The following TDRD3 variants were observed in gnomAD, a reference collection of about 807,000 sequenced individuals.
TDRD3 encodes the protein tudor domain-containing protein 3.
In TDRD3, 45 loss-of-function variants were observed where a neutral mutation model predicts 86.7. That is an observed-to-expected ratio of 0.52 (90% CI 0.41 to 0.67). The LOEUF (loss-of-function observed/expected upper bound fraction) is 0.67, where lower values mean the gene tolerates loss of function less well. TDRD3 is among the 30% of genes least tolerant of loss of function. TDRD3 has a pLI of 0.00. For synonymous variants in TDRD3, 298 were observed against 301.7 expected (o/e 0.99, Z 0.13); for missense variants, 814 against 889.0 (o/e 0.92, Z 1.07).
Position 60,397,296 on chromosome 13 carries a change from G to A in TDRD3, c.-69G>A, listed in dbSNP as rs1953944080. On this transcript the variant is annotated 5_prime_UTR_variant, in exon 1 of 14. Coordinates refer to ENST00000377881, the MANE Select transcript of TDRD3 (RefSeq NM_001146070.2). ...TCTTTTTTTTTTTTTAAGGGGGGGG[G>A]TCTCAAGTAGGAGGCCTCCCCATCA... 2 of 814,544 alleles carry A rather than the reference G, an allele frequency of 2.5e-6. No individual in the cohort carries two copies. Among genetic ancestry groups the A allele is most frequent in the South Asian group, 2.2e-5 (1 of 44,556 alleles). The allele number at this position is 814,544 out of a possible 1,614,324, so 50.5% of individuals were successfully genotyped here.
At position 60,510,402 on chromosome 13, in the gene TDRD3, A is replaced by G. The variant is rs890375376; in HGVS notation, c.1016-228A>G. Reference sequence around the variant, plus strand: ...AATTTTTCCTTAAAAGTTAGTTTATATGAACAAATTCGGACTTCTGAATAG... The same window carrying G: ...AATTTTTCCTTAAAAGTTAGTTTATGTGAACAAATTCGGACTTCTGAATAG... On this transcript the variant is annotated intron_variant, in intron 9 of 13. Coordinates refer to ENST00000377881, the MANE Select transcript of TDRD3 (RefSeq NM_001146070.2). Among the ~76,000 whole-genome samples the G allele has an allele frequency of 2.0e-5, 3 of 152,264 alleles. 1 individual carries two copies. The South Asian group carries it at 6.2e-4, about 32-fold the overall frequency.
rs112871474 is a variant in TDRD3, at chr13:60,519,959, G to C, written c.1142-8408G>C. On this transcript the variant is annotated intron_variant, in intron 10 of 13. Coordinates refer to ENST00000377881, the MANE Select transcript of TDRD3 (RefSeq NM_001146070.2). ...TTGCAGTTGTATTGTTGGTGTGTGTGGCACTTTTTCTTAGAATTCTCATGA... is the reference window on the plus strand; with the variant it reads ...TTGCAGTTGTATTGTTGGTGTGTGTCGCACTTTTTCTTAGAATTCTCATGA... Among the ~76,000 whole-genome samples, 515 of 152,154 alleles carry C rather than the reference G, an allele frequency of 3.4e-3. 4 individuals are homozygous for C. The highest frequency in any genetic ancestry group is 0.012 in the African/African-American group (492 of 41,518).
intron 1 of TDRD3, among the ~76,000 whole-genome samples, chr13:60,422,776 T>C (rs998765578): frequency 3.3e-5 from 5 of 151,998 alleles, no homozygotes; most frequent in Admixed American, 1.3e-4. Context: ...AGAGAGAAAG[T>C]AGTCGAATAT....
chr13:60,549,589 C>T (rs908108123), intron 12 of TDRD3, among the ~76,000 whole-genome samples: 5 of 151,804 alleles, frequency 3.3e-5, no homozygotes, highest in African/African-American at 4.8e-5. Context: ...TGTGTGTGCA[C>T]GTGTATGTGC....
At chr13:60,456,488 A>G (rs1274675939) in intron 3 of TDRD3, among the ~76,000 whole-genome samples, 1 of 152,192 alleles carries the variant, frequency 6.6e-6, no homozygotes, top group Non-Finnish European at 1.5e-5. Flanking sequence ...AAGCCACTAA[A>G]ATTTTTTAGA....
At chr13:60,486,403 T>A (rs1956436571) in intron 7 of TDRD3, among the ~76,000 whole-genome samples, 1 of 152,198 alleles carries the variant, frequency 6.6e-6, no homozygotes, top group African/African-American at 2.4e-5. Context: ...TTTTTGTCTT[T>A]ATACTTTATT....
intron 4 of TDRD3, among the ~76,000 whole-genome samples, chr13:60,461,954 A>G (rs1231439850): frequency 6.6e-6 from 1 of 152,094 alleles, no homozygotes; most frequent in African/African-American, 2.4e-5. Context: ...TGCGAGAGGA[A>G]ATGTGGTAGG....
intron 11 of TDRD3, among the ~76,000 whole-genome samples, chr13:60,531,871 C>A (rs1189242988): frequency 6.6e-6 from 1 of 151,816 alleles, no homozygotes; most frequent in Non-Finnish European, 1.5e-5. Flanking sequence ...GAATGATTAT[C>A]AAAAACAAAA....
At chr13:60,505,370 T>C (rs568941086) in intron 8 of TDRD3, among the ~76,000 whole-genome samples, 3 of 152,316 alleles carry the variant, frequency 2.0e-5, no homozygotes, top group Non-Finnish European at 4.4e-5. Context: ...AAATCTGCTG[T>C]AGCCAGACTG....
Position 60,458,511 on chromosome 13 carries a change from G to A in TDRD3, c.193-1869G>A, listed in dbSNP as rs145282376. Among the ~76,000 whole-genome samples, 7 of 152,228 alleles carry A rather than the reference G, an allele frequency of 4.6e-5. No individual in the cohort carries two copies. In the East Asian group the frequency reaches 9.6e-4, roughly 21 times the overall value. ...GGGTGCCATGGTTGCTCCAGATATC[G>A]AATATTGGTAAAGTTGGATTTTTTT... On this transcript the variant is annotated intron_variant, in intron 3 of 13. Transcript: ENST00000377881.
intron 4 of TDRD3, among the ~76,000 whole-genome samples, chr13:60,466,780 G>A (rs1282762533): frequency 2.0e-5 from 3 of 150,566 alleles, no homozygotes; most frequent in Non-Finnish European, 3.0e-5. Context: ...CTTGGGTGAC[G>A]GAGGCTCTGT....
At chr13:60,409,044 G>C (rs1954298703) in intron 1 of TDRD3, among the ~76,000 whole-genome samples, 1 of 152,238 alleles carries the variant, frequency 6.6e-6, no homozygotes, top group African/African-American at 2.4e-5. Flanking sequence ...AGCCACTCCA[G>C]CCTTGGCTGA....
intron 7 of TDRD3, among the ~76,000 whole-genome samples, chr13:60,488,282 T>C (rs530927018): frequency 2.6e-5 from 4 of 152,308 alleles, no homozygotes; most frequent in African/African-American, 9.6e-5. Context: ...CATCTCATTG[T>C]CTGGATGTGG....
chr13:60,497,265 A>C lies in TDRD3; in HGVS notation c.858+2690A>C, dbSNP rs540311850. Among the ~76,000 whole-genome samples the C allele has an allele frequency of 1.3e-4, 20 of 152,214 alleles. 1 individual carries two copies. The South Asian group carries it at 3.7e-3, about 28-fold the overall frequency. On this transcript the variant is annotated intron_variant, in intron 8 of 13. Coordinates refer to ENST00000377881, the MANE Select transcript of TDRD3 (RefSeq NM_001146070.2). Reference sequence around the variant, plus strand: ...CAGTTGCAAGATTTAATAGAGTGAAAACAGAGCTCCCATAAAATGGGAGGG... The same window carrying C: ...CAGTTGCAAGATTTAATAGAGTGAACACAGAGCTCCCATAAAATGGGAGGG...
intron 7 of TDRD3, among the ~76,000 whole-genome samples, chr13:60,493,766 A>G (rs1372724232): frequency 6.6e-6 from 1 of 152,216 alleles, no homozygotes; most frequent in East Asian, 1.9e-4. Flanking sequence ...GTCTTTCAAA[A>G]CCAATATTAT....
intron 7 of TDRD3, among the ~76,000 whole-genome samples, chr13:60,488,110 C>T (rs1248534201): frequency 2.0e-5 from 3 of 152,076 alleles, no homozygotes; most frequent in Non-Finnish European, 4.4e-5. Flanking sequence ...GGAAAGAAGG[C>T]TTTATTTGGG....
intron 12 of TDRD3, among the ~76,000 whole-genome samples, chr13:60,544,165 T>C (rs146277418): frequency 6.6e-5 from 10 of 152,092 alleles, no homozygotes; most frequent in Admixed American, 5.9e-4. Context: ...AAAAAAGTGT[T>C]GGGTTGGGCA....
chr13:60,444,981 T>C (rs1393796340), intron 3 of TDRD3, among the ~76,000 whole-genome samples: 1 of 151,994 alleles, frequency 6.6e-6, no homozygotes, highest in East Asian at 1.9e-4. Context: ...AATTTGTAAC[T>C]ATGGCATGCT....
chr13:60,509,587 T>C (rs1241670627), intron 8 of TDRD3, 176 bp from the exon 9 acceptor site: 1 of 740,758 alleles, frequency 1.3e-6, no homozygotes, highest in East Asian at 2.5e-5. Context: ...ACCCCACATA[T>C]CATACAGATT....
Sources: gnomAD v4.1 joint callset for allele counts (sites outside exome capture counted in the v4.1 genomes callset) on GRCh38, gnomAD v4.1.1 for gene constraint, MANE v1.5 for transcripts, NCBI Gene and HGNC (gene_info 2026-07-23, HGNC 2026-07-21) for gene names.